Variants in KLHL8 observed in about 807,000 individuals in gnomAD.
The protein encoded by KLHL8 is kelch like family member 8, also known as kelch-like protein 8.
A neutral mutation model predicts 63.5 loss-of-function variants in KLHL8; 38 were observed. The observed-to-expected ratio is 0.60, with a 90% CI of 0.46 to 0.78. The LOEUF is 0.78. Among genes scored for constraint, KLHL8 ranks in the 30% least tolerant of loss-of-function variants. KLHL8 has a pLI of 0.00. For missense variants in KLHL8, 566 were observed against 752.4 expected (o/e 0.75, Z 2.90); for synonymous variants, 224 against 254.3 (o/e 0.88, Z 1.13).
intron 5 of KLHL8, 64 bp from the exon 6 acceptor site, chr4:87,176,932 A>G: frequency 2.7e-6 from 2 of 752,022 alleles, no homozygotes; most frequent in Non-Finnish European, 4.4e-6. Context: ...TTAATGTTAC[A>G]TATATAAACA....
At chr4:87,180,069 C>A (rs1158589333) in intron 4 of KLHL8, among the ~76,000 whole-genome samples, 1 of 152,212 alleles carries the variant, frequency 6.6e-6, no homozygotes, top group Non-Finnish European at 1.5e-5. Context: ...CTTATCACAG[C>A]ATAAAGGTCT....
At chr4:87,198,654 TGAGAG>T (rs1380584087) in intron 1 of KLHL8, among the ~76,000 whole-genome samples, 1 of 152,032 alleles carries the variant, frequency 6.6e-6, no homozygotes, top group African/African-American at 2.4e-5. Context: ...TAGGGAAGGA[TGAGAG>T]GAGAGGAGAG....
At chr4:87,198,172 C>A (rs28621526) in intron 1 of KLHL8, among the ~76,000 whole-genome samples, 11,699 of 151,968 alleles carry the variant, frequency 0.077, 632 homozygotes, top group Non-Finnish European at 0.12. Context: ...ATACAAAAAC[C>A]AGCCAGGCAT....
At chr4:87,231,631 C>G (rs1326161315) in intron 1 of KLHL8, among the ~76,000 whole-genome samples, 3 of 151,924 alleles carry the variant, frequency 2.0e-5, no homozygotes, top group Non-Finnish European at 4.4e-5. Flanking sequence ...GAGTCTCGCT[C>G]TGTCACCCAG....
At position 87,227,516 on chromosome 4, in the gene KLHL8, G is replaced by T. The variant is rs192793177; in HGVS notation, n.58-6126C>A. Among the ~76,000 whole-genome samples, 493 of 152,258 alleles carry T rather than the reference G, an allele frequency of 3.2e-3. 4 individuals are homozygous for T. The highest frequency in any genetic ancestry group is 0.011 in the African/African-American group (475 of 41,536). On this transcript the variant is annotated intron_variant and non_coding_transcript_variant, in intron 1 of 1. Transcript: ENST00000506274. ...AAGAAAAAAATTAGCCAGTGGTGTT[G>T]GTATGTACCTATAGTCCCAGCTATC...
chr4:87,209,851 T>G (rs1011455836), intron 1 of KLHL8, among the ~76,000 whole-genome samples: 8 of 145,464 alleles, frequency 5.5e-5, no homozygotes, highest in African/African-American at 2.0e-4. Context: ...GTTTTGGGTT[T>G]TTTTTTTTTT....
intron 1 of KLHL8, among the ~76,000 whole-genome samples, chr4:87,205,269 T>G (rs1732077241): frequency 6.6e-6 from 1 of 152,052 alleles, no homozygotes; most frequent in Non-Finnish European, 1.5e-5. Context: ...TAGCCACATG[T>G]GGTGGCACGC....
intron 3 of KLHL8, among the ~76,000 whole-genome samples, 176 bp from the exon 4 acceptor site, chr4:87,183,565 A>T (rs1731136636): frequency 6.6e-6 from 1 of 152,148 alleles, no homozygotes; most frequent in Non-Finnish European, 1.5e-5. Context: ...CATGTTCATG[A>T]TTTTCAATGT....
chr4:87,227,941 C>T (rs773351751), intron 1 of KLHL8, among the ~76,000 whole-genome samples: 7 of 152,124 alleles, frequency 4.6e-5, no homozygotes, highest in Non-Finnish European at 5.9e-5. Flanking sequence ...AGCCTGATCT[C>T]CTGATCCCTG....
intron 2 of KLHL8, among the ~76,000 whole-genome samples, chr4:87,194,179 T>TA (rs1731602455): frequency 6.6e-6 from 1 of 152,192 alleles, no homozygotes; most frequent in Non-Finnish European, 1.5e-5. Flanking sequence ...ATGAATGGAT[T>TA]AGTGCCTTAA....
chr4:87,200,897 A>G (rs1731895780), intron 1 of KLHL8, among the ~76,000 whole-genome samples: 1 of 152,246 alleles, frequency 6.6e-6, no homozygotes, highest in Non-Finnish European at 1.5e-5. Context: ...CTAAATGTAC[A>G]TCATCAGATA....
rs755959193 is a variant in KLHL8 at position 87,176,861 on chromosome 4, C to T, written c.1104G>A (p.Val368=). The T allele has an allele frequency of 6.4e-7, 1 of 1,567,872 alleles. No homozygotes were observed. The highest frequency in any genetic ancestry group is 1.9e-5 in the Admixed American group (1 of 54,014). ...HVGVISVEGK[V]YAVGGHDGNE... is the part of the protein sequence containing the mutation. ...TTCCATCATGTCCACCTACTGCATA[C>T]ACTTTACCTGTCAAATAGAGAAGTA... Residue 368 remains valine, a synonymous_variant, in exon 6 of 10, where the codon GTG becomes GTA. Coordinates refer to ENST00000273963, the MANE Select transcript of KLHL8 (RefSeq NM_020803.5).
At chr4:87,204,759 A>G (rs576039234) in intron 1 of KLHL8, among the ~76,000 whole-genome samples, 33 of 152,382 alleles carry the variant, frequency 2.2e-4, no homozygotes, top group African/African-American at 7.2e-4. Context: ...CCTCAAAAGG[A>G]TAAAATCATA....
intron 1 of KLHL8, among the ~76,000 whole-genome samples, chr4:87,203,099 G>C (rs1731981121): frequency 6.6e-6 from 1 of 152,084 alleles, no homozygotes; most frequent in Non-Finnish European, 1.5e-5. Flanking sequence ...GGAAGTAAAA[G>C]TTATCTCCAG....
At chr4:87,199,430 T>TC (rs1412729848) in intron 1 of KLHL8, among the ~76,000 whole-genome samples, 1 of 152,014 alleles carries the variant, frequency 6.6e-6, no homozygotes, top group Admixed American at 6.6e-5. Context: ...GGAAAAGGAT[T>TC]CACAACATTG....
At chr4:87,230,369 C>A (rs888605395) in intron 1 of KLHL8, among the ~76,000 whole-genome samples, 14 of 152,138 alleles carry the variant, frequency 9.2e-5, no homozygotes, top group Admixed American at 2.6e-4. Flanking sequence ...TCATCCATAA[C>A]GTTTTCTGGC....
intron 1 of KLHL8, among the ~76,000 whole-genome samples, chr4:87,212,531 T>A (rs1434404046): frequency 6.6e-6 from 1 of 151,938 alleles, no homozygotes; most frequent in Non-Finnish European, 1.5e-5. Flanking sequence ...TAGTGAGCCA[T>A]GATCTTGCCA....
chr4:87,212,767 G>C (rs1732451473), intron 1 of KLHL8, among the ~76,000 whole-genome samples: 1 of 152,016 alleles, frequency 6.6e-6, no homozygotes, highest in African/African-American at 2.4e-5. Flanking sequence ...GGTAACCACT[G>C]TGTTACAGTA....
rs1414213681 is a variant in KLHL8, at chr4:87,166,516, TG to T, written c.1538-2438del. Reference sequence around the variant, plus strand: ...CGGAAACACTTTGAGATGCTTAACATGTATTATCTCTTATTCTTAAAATGAT... The same window carrying T: ...CGGAAACACTTTGAGATGCTTAACATTATTATCTCTTATTCTTAAAATGAT... On this transcript the variant is annotated intron_variant, in intron 8 of 9. Coordinates refer to ENST00000273963, the MANE Select transcript of KLHL8 (RefSeq NM_020803.5). 3.3e-5 allele frequency among the ~76,000 whole-genome samples: 5 copies of T among 152,196 alleles called. No individual in the cohort carries two copies. In the East Asian group the frequency reaches 9.6e-4, roughly 29 times the overall value.
Sources: gnomAD v4.1 joint callset for allele counts (sites outside exome capture counted in the v4.1 genomes callset) on GRCh38, gnomAD v4.1.1 for gene constraint, MANE v1.5 for transcripts, NCBI Gene and HGNC (gene_info 2026-07-23, HGNC 2026-07-21) for gene names.